DBF4B: variants seen among roughly 807,000 people sequenced by gnomAD.
The protein encoded by DBF4B is DBF4B-CDC7 kinase regulatory subunit.
A neutral mutation model predicts 53.4 loss-of-function variants in DBF4B; 49 were observed. The ratio of observed to expected loss-of-function variants is 0.92; its 90% CI spans 0.73 to 1.16. The LOEUF (loss-of-function observed/expected upper bound fraction) is 1.16, where lower values mean the gene tolerates loss of function less well. Ranked by LOEUF, DBF4B falls within the 50% of genes most tolerant of loss-of-function variation. The pLI is 0.00. For missense variants in DBF4B, 692 were observed against 775.0 expected (o/e 0.89, Z 1.27); for synonymous variants, 257 against 288.7 (o/e 0.89, Z 1.11).
rs1025397255 is a variant in DBF4B, at chr17:44,746,497, C to G, written c.831-586C>G. On this transcript the variant is annotated intron_variant, in intron 10 of 13. Transcript: ENST00000315005. ...CAAGGGATTCTTGCTGCTGCCGTCA[C>G]CATCCCATCTTCACCTGTCGTTTAA... 2.0e-5 allele frequency among the ~76,000 whole-genome samples: 3 copies of G among 151,938 alleles called. No individual in the cohort carries two copies. The East Asian group carries it at 5.8e-4, about 29-fold the overall frequency.
At chr17:44,745,953 A>G (rs1976542705) in intron 10 of DBF4B, among the ~76,000 whole-genome samples, 1 of 151,470 alleles carries the variant, frequency 6.6e-6, no homozygotes, top group African/African-American at 2.4e-5. Flanking sequence ...CAGTCCTGTA[A>G]TCCCAGCATT....
chr17:44,720,616 C>T (rs1242997154), intron 2 of DBF4B: 6 of 155,628 alleles, frequency 3.9e-5, no homozygotes, highest in African/African-American at 1.4e-4. Context: ...ATGGGAAAGA[C>T]TCCACTTTTT....
At chr17:44,739,326 G>A (rs1327290818) in intron 9 of DBF4B, among the ~76,000 whole-genome samples, 1 of 152,202 alleles carries the variant, frequency 6.6e-6, no homozygotes, top group Non-Finnish European at 1.5e-5. Context: ...AAGGAAATAA[G>A]TCCATGTGTA....
intron 7 of DBF4B, 48 bp downstream of exon 7, chr17:44,734,211 A>G (rs749813216): frequency 6.2e-7 from 1 of 1,612,230 alleles, no homozygotes; most frequent in Non-Finnish European, 8.5e-7. Flanking sequence ...TTTTCAATGA[A>G]ATCAGTGACA....
Position 44,732,202 on chromosome 17 carries a change from G to C in DBF4B, c.493G>C (p.Gly165Arg). ...GGGGAGCATCAGTGGAGGAGGCAGT[G>C]GGGGCAGCAGCAGCCTCCTGACCAA... ...NQGSISGGGS[G>R]GSSSLLTNAR... The change falls in exon 6 of 14, where the codon GGG becomes CGG. Residue 165 changes from glycine to arginine, a missense_variant. By Grantham distance (125) the Gly-to-Arg change is moderately radical. Around this residue, in one of 3 missense-constraint regions of DBF4B, gnomAD observed 597 missense variants for 665.8 expected, o/e 0.90. Transcript: ENST00000315005. The C allele has an allele frequency of 1.9e-6, 3 of 1,614,168 alleles. No homozygotes were observed. The highest frequency in any genetic ancestry group is 1.3e-5 in the African/African-American group (1 of 75,046).
Position 44,734,228 on chromosome 17 carries a change from G to A in DBF4B, c.630+65G>A, listed in dbSNP as rs1372017932. On this transcript the variant is annotated intron_variant, in intron 7 of 13. Transcript: ENST00000315005. ...TTCAATGAAATCAGTGACAACTTAG[G>A]TAAATCCATGGCCCACCCAAACCAT... 3.1e-6 allele frequency: 5 copies of A among 1,599,034 alleles called. No homozygotes were observed. In the Admixed American group the frequency reaches 5.0e-5, roughly 16 times the overall value.
At chr17:44,710,946 GGTTTTTATTTTC>G in intron 2 of DBF4B, among the ~76,000 whole-genome samples, 1 of 150,324 alleles carries the variant, frequency 6.7e-6, no homozygotes, top group African/African-American at 2.5e-5. Flanking sequence ...GATTTTAGAG[GGTTTTTATTTTC>G]GTTTTTATTC....
At chr17:44,719,351 G>A (rs1973621449) in intron 2 of DBF4B, among the ~76,000 whole-genome samples, 1 of 151,896 alleles carries the variant, frequency 6.6e-6, no homozygotes, top group Non-Finnish European at 1.5e-5. Flanking sequence ...CAGTGACTTA[G>A]TATGTTCACA....
At chr17:44,742,262 TAGCC>T (rs1976124581) in intron 10 of DBF4B, among the ~76,000 whole-genome samples, 1 of 151,404 alleles carries the variant, frequency 6.6e-6, no homozygotes, top group Non-Finnish European at 1.5e-5. Flanking sequence ...AAAAAAAAAT[TAGCC>T]AGGCATTGTG....
intron 3 of DBF4B, among the ~76,000 whole-genome samples, chr17:44,725,684 C>CTTCTTTTTTTTTTTTT (rs777349094): frequency 1.4e-4 from 12 of 87,662 alleles, no homozygotes; most frequent in African/African-American, 5.3e-4. Flanking sequence ...TTTTGTGCTT[C>CTTCTTTTTTTTTTTTT]TTTTTTTTTT....
chr17:44,723,717 C>T (rs952496238), intron 3 of DBF4B, among the ~76,000 whole-genome samples: 1 of 151,580 alleles, frequency 6.6e-6, no homozygotes, highest in Non-Finnish European at 1.5e-5. Flanking sequence ...CGAGATTGTA[C>T]CACTGCACTC....
At chr17:44,718,182 A>G (rs150795060) in intron 2 of DBF4B, among the ~76,000 whole-genome samples, 218 of 152,256 alleles carry the variant, frequency 1.4e-3, no homozygotes, top group African/African-American at 4.9e-3. Context: ...CTGTAATCCC[A>G]GCACTTTGGG....
chr17:44,746,231 CAAAAA>C (rs11322604), intron 10 of DBF4B, among the ~76,000 whole-genome samples: 2 of 87,742 alleles, frequency 2.3e-5, no homozygotes. Flanking sequence ...TACTCCATCT[CAAAAA>C]AAAAAAAAAA....
At chr17:44,750,283 C>A in intron 13 of DBF4B, 1 of 1,117,326 alleles carries the variant, frequency 8.9e-7, no homozygotes, top group Admixed American at 4.7e-5. Flanking sequence ...TACCGTGATT[C>A]TTCTCACCCT....
In DBF4B at chr17:44,730,227, G is replaced by T. The variant is rs986143546; in HGVS notation, c.417+131G>T. On this transcript the variant is annotated intron_variant, in intron 4 of 13. Transcript: ENST00000315005. ...TCTCTCATTTGAATTCAGGGACTGA[G>T]AATATTTTATCATAGCTCTGGATCT... is the stretch of plus-strand genomic sequence containing the variant. The T allele has an allele frequency of 7.6e-6, 8 of 1,055,584 alleles. No individual in the cohort carries two copies. In the African/African-American group the frequency reaches 1.1e-4, roughly 15 times the overall value. 65.4% of individuals were successfully genotyped at this position (1,055,584 alleles called of 1,614,324 possible). A position where few individuals can be genotyped will look rare whatever the true frequency, so the allele number is the denominator to read the frequency against.
chr17:44,722,933 C>A lies in DBF4B; in HGVS notation c.136C>A (p.His46Asn). Reference protein sequence around the residue: ...CQKNSPGARKHPFSGKSFYLD... With the variant: ...CQKNSPGARKNPFSGKSFYLD... ...GAAGAACTCACCAGGTGCCAGGAAG[C>A]ATCCCTTTTCCGGAAAGTCCTTTTA... Residue 46 changes from histidine (H) to asparagine (N), a missense_variant, in exon 3 of 14, where the codon CAT (histidine) becomes AAT (asparagine). Physicochemically the swap from His to Asn is moderately conservative, Grantham distance 68 (BLOSUM62 1). This residue lies in a region of DBF4B where 29 missense variants were observed against 57.8 expected (regional missense o/e 0.50). Transcript: ENST00000315005. 1 of 1,614,204 alleles carries A rather than the reference C, an allele frequency of 6.2e-7. No homozygotes were observed. Among genetic ancestry groups the A allele is most frequent in the South Asian group, 1.1e-5 (1 of 91,088 alleles).
intron 2 of DBF4B, among the ~76,000 whole-genome samples, chr17:44,717,109 C>T (rs1243401957): frequency 2.0e-5 from 3 of 152,088 alleles, no homozygotes; most frequent in African/African-American, 4.8e-5. Flanking sequence ...TTTCTTCTCT[C>T]CATTGTTTTT....
chr17:44,742,052 A>G (rs1363711448), intron 10 of DBF4B, among the ~76,000 whole-genome samples: 1 of 151,616 alleles, frequency 6.6e-6, no homozygotes, highest in Non-Finnish European at 1.5e-5. Flanking sequence ...TTTGAGACCA[A>G]CTTGGGCACA....
intron 3 of DBF4B, among the ~76,000 whole-genome samples, chr17:44,726,267 G>A (rs1323262766): frequency 6.6e-6 from 1 of 151,350 alleles, no homozygotes. Context: ...GGGATTACAG[G>A]TGTGAGCCAT....
Sources: allele counts gnomAD v4.1 joint callset (sites outside exome capture counted in the v4.1 genomes callset), GRCh38; gene constraint gnomAD v4.1.1; regional missense constraint gnomAD v4.1.1; transcripts MANE v1.5; gene names NCBI Gene and HGNC (gene_info 2026-07-23, HGNC 2026-07-21).